The following RELN variants were observed in gnomAD, a reference collection of about 807,000 sequenced individuals.
The protein encoded by RELN is reelin.
A neutral mutation model predicts 427.6 loss-of-function variants in RELN; 108 were observed. That is an observed-to-expected ratio of 0.25 (90% CI 0.22 to 0.30). The LOEUF is 0.30. Among genes scored for constraint, RELN ranks in the 10% least tolerant of loss-of-function variants. The pLI, the probability that RELN is intolerant of heterozygous loss-of-function variation, is 1.00. For synonymous variants in RELN, 1,524 were observed against 1,513.4 expected (o/e 1.01, Z -0.16); for missense variants, 3,715 against 4,302.8 (o/e 0.86, Z 3.82).
chr7:103,607,820 G>A (rs1048726895), intron 22 of RELN, among the ~76,000 whole-genome samples: 1 of 152,104 alleles, frequency 6.6e-6, no homozygotes, highest in Non-Finnish European at 1.5e-5. Context: ...CACTCATTAG[G>A]TGTTGATTTG....
chr7:103,939,805 A>T (rs941528744), intron 1 of RELN, among the ~76,000 whole-genome samples: 12 of 152,238 alleles, frequency 7.9e-5, no homozygotes, highest in African/African-American at 2.9e-4. Flanking sequence ...TGTAGCCATT[A>T]AAAAGCTTGT....
At chr7:103,760,746 G>T (rs982746578) in intron 4 of RELN, among the ~76,000 whole-genome samples, 1 of 152,230 alleles carries the variant, frequency 6.6e-6, no homozygotes, top group South Asian at 2.1e-4. Flanking sequence ...GGAATTCAAA[G>T]GCCCTAGGTA....
chr7:103,500,950 G>GA (rs1829006661), intron 52 of RELN, 28 bp from the exon 53 acceptor site: 3 of 1,611,674 alleles, frequency 1.9e-6, no homozygotes, highest in Non-Finnish European at 2.5e-6. Context: ...GCAAAGGAGT[G>GA]AAAAACAAAA....
At chr7:103,702,361 T>G (rs1182397349) in intron 8 of RELN, among the ~76,000 whole-genome samples, 8 of 152,220 alleles carry the variant, frequency 5.3e-5, no homozygotes, top group Non-Finnish European at 1.5e-5. Context: ...GTGTGCTTCC[T>G]TTATGTCTTA....
intron 11 of RELN, among the ~76,000 whole-genome samples, chr7:103,674,820 T>C (rs1451569260): frequency 6.6e-6 from 1 of 152,090 alleles, no homozygotes; most frequent in Non-Finnish European, 1.5e-5. Flanking sequence ...GAAAAGGCCT[T>C]TGACAAAATT....
At chr7:103,791,084 T>C (rs1792151190) in intron 3 of RELN, among the ~76,000 whole-genome samples, 1 of 152,026 alleles carries the variant, frequency 6.6e-6, no homozygotes, top group Non-Finnish European at 1.5e-5. Context: ...GACTTGTACA[T>C]AACTACTAAA....
chr7:103,952,554 T>TTCTC (rs145303514), intron 1 of RELN, among the ~76,000 whole-genome samples: 6,439 of 149,888 alleles, frequency 0.043, 435 homozygotes, highest in African/African-American at 0.15. Context: ...CTCTCACTCT[T>TTCTC]TCTCTCTCTC....
intron 10 of RELN, among the ~76,000 whole-genome samples, chr7:103,688,988 T>C (rs113474333): frequency 0.019 from 2,921 of 152,214 alleles, 106 homozygotes; most frequent in African/African-American, 0.067. Context: ...AAAGTAGTAG[T>C]AGAGGAAACA....
At chr7:103,772,539 G>C (rs965890484) in intron 4 of RELN, among the ~76,000 whole-genome samples, 3 of 152,330 alleles carry the variant, frequency 2.0e-5, no homozygotes, top group Admixed American at 6.5e-5. Flanking sequence ...ATTCTGTAGA[G>C]AGAGTTATGT....
At chr7:103,595,279 C>T (rs996892476) in intron 25 of RELN, among the ~76,000 whole-genome samples, 1 of 152,166 alleles carries the variant, frequency 6.6e-6, no homozygotes, top group Non-Finnish European at 1.5e-5. Flanking sequence ...CAGTTTGGCA[C>T]CATTATCAAT....
At chr7:103,873,267 T>C (rs1235526410) in intron 2 of RELN, among the ~76,000 whole-genome samples, 5 of 140,446 alleles carry the variant, frequency 3.6e-5, no homozygotes, top group East Asian at 2.3e-4. Context: ...AGATCCAAAA[T>C]TGACACCCTA....
At chr7:103,803,240 C>T (rs1216259419) in intron 3 of RELN, among the ~76,000 whole-genome samples, 1 of 152,132 alleles carries the variant, frequency 6.6e-6, no homozygotes, top group Non-Finnish European at 1.5e-5. Flanking sequence ...TCTTCACTTG[C>T]CATTTCACTA....
At chr7:103,975,695 G>A (rs558242807) in intron 1 of RELN, among the ~76,000 whole-genome samples, 201 of 148,794 alleles carry the variant, frequency 1.4e-3, no homozygotes, top group African/African-American at 2.2e-3. Flanking sequence ...ACAGGCACCC[G>A]CCACCACGCC....
At chr7:103,815,161 T>A (rs1321883032) in intron 3 of RELN, among the ~76,000 whole-genome samples, 1 of 152,212 alleles carries the variant, frequency 6.6e-6, no homozygotes. Context: ...AGACAAGTAT[T>A]ATAATAAGAT....
Position 103,545,217 on chromosome 7 carries a change from T to C in RELN, c.6430A>G (p.Asn2144Asp). The C allele has an allele frequency of 1.2e-6, 2 of 1,614,138 alleles. No homozygotes were observed. Among genetic ancestry groups the C allele is most frequent in the African/African-American group, 1.3e-5 (1 of 75,032 alleles). The change falls in exon 42 of 65, where the codon AAT (asparagine) becomes GAT (aspartate). Residue 2144 changes from asparagine to aspartate, a missense_variant. Physicochemically the swap from Asn to Asp is conservative, Grantham distance 23. Coordinates refer to ENST00000428762, the MANE Select transcript of RELN (RefSeq NM_005045.4). ...GGGTCACATATACATTTGGTTCCATTGATACAGCTCCCCTGTCCATTACAC... is the reference window on the plus strand; with the variant it reads ...GGGTCACATATACATTTGGTTCCATCGATACAGCTCCCCTGTCCATTACAC... ...EMCNGQGSCI[N>D]GTKCICDPGY... is the part of the protein sequence containing the mutation.
chr7:103,635,074 T>C (rs1403493584), intron 19 of RELN, among the ~76,000 whole-genome samples: 1 of 152,088 alleles, frequency 6.6e-6, no homozygotes, highest in Non-Finnish European at 1.5e-5. Context: ...TTGACCAGGA[T>C]GGTCTCAATC....
intron 3 of RELN, among the ~76,000 whole-genome samples, chr7:103,827,872 A>G (rs528428577): frequency 6.6e-6 from 1 of 152,226 alleles, no homozygotes; most frequent in Non-Finnish European, 1.5e-5. Context: ...AAAATAGCAT[A>G]TCCAGTTTTA....
chr7:103,606,284 A>C (rs1365126385), intron 22 of RELN, among the ~76,000 whole-genome samples: 1 of 152,158 alleles, frequency 6.6e-6, no homozygotes, highest in African/African-American at 2.4e-5. Flanking sequence ...GTGTCCAAAA[A>C]AGTTTGCTAA....
At chr7:103,576,282 G>A (rs1831000674) in intron 28 of RELN, among the ~76,000 whole-genome samples, 1 of 152,146 alleles carries the variant, frequency 6.6e-6, no homozygotes, top group Admixed American at 6.5e-5. Flanking sequence ...TGAGATTACA[G>A]GCACATGCCA....
Sources: allele counts gnomAD v4.1 joint callset (sites outside exome capture counted in the v4.1 genomes callset), GRCh38; gene constraint gnomAD v4.1.1; transcripts MANE v1.5; gene names NCBI Gene and HGNC (gene_info 2026-07-23, HGNC 2026-07-21).